Variants in TMEM275 observed in about 807,000 individuals in gnomAD.
TMEM275 encodes the protein transmembrane protein 275.
In TMEM275 at chr1:46,533,801, T is replaced by C. The variant is rs924961899; in HGVS notation, c.-123-151A>G. Among the ~76,000 whole-genome samples the C allele has an allele frequency of 1.3e-5, 2 of 152,174 alleles. No individual in the cohort carries two copies. Among genetic ancestry groups the C allele is most frequent in the African/African-American group, 4.8e-5 (2 of 41,450 alleles). The stretch of plus-strand genomic sequence containing the variant: ...CTCTGGGAAGCAACAAACCATCCCA[T>C]ATGTGAAGAATCGACTTGTTTCCCC... On this transcript the variant is annotated intron_variant, in intron 1 of 1. Transcript: ENST00000634804. This position sits in a 1 kb window ranked among gnomAD's most constrained non-coding sequence, Gnocchi z 4.4.
rs995748505 is a variant in TMEM275 at position 46,533,494 on chromosome 1, C to T, written c.34G>A (p.Val12Ile). 2.6e-6 allele frequency: 1 copy of T among 389,166 alleles called. No individual in the cohort carries two copies. Among genetic ancestry groups the T allele is most frequent in the South Asian group, 1.3e-4 (1 of 7,790 alleles). The allele number at this position is 389,166 out of a possible 1,614,324, so 24.1% of individuals were successfully genotyped here. The change falls in exon 2 of 2, where the codon GTC becomes ATC. Residue 12 changes from valine (V) to isoleucine (I), a missense_variant. Coordinates refer to ENST00000634804, the Ensembl canonical transcript of TMEM275. The surrounding 1 kb of genome is among the most constrained non-coding windows in gnomAD (Gnocchi z 4.4). Reference sequence around the variant, plus strand: ...CGGGCGCGTTCCGCGGGCGCCGGGACCGGTGGCCCCTCGCTCTTTTCTGCC... The same window carrying T: ...CGGGCGCGTTCCGCGGGCGCCGGGATCGGTGGCCCCTCGCTCTTTTCTGCC...
Position 46,533,038 on chromosome 1 carries a change from C to A in TMEM275, c.490G>T (p.Glu164Ter), listed in dbSNP as rs1329439711. 2 of 396,316 alleles carry A rather than the reference C, an allele frequency of 5.0e-6. No individual in the cohort carries two copies. The highest frequency in any genetic ancestry group is 8.9e-6 in the Non-Finnish European group (2 of 224,550). The allele number at this position is 396,316 out of a possible 1,614,324, so 24.5% of individuals were successfully genotyped here. A position where few individuals can be genotyped will look rare whatever the true frequency, so the allele number is the denominator to read the frequency against. Residue 164 changes from glutamate (E) to a stop codon, truncating the protein, a stop_gained, in exon 2 of 2, where the codon GAA becomes TAA. Coordinates refer to ENST00000634804, the Ensembl canonical transcript of TMEM275. LOFTEE classifies it high-confidence loss of function. The surrounding 1 kb of genome is among the most constrained non-coding windows in gnomAD (Gnocchi z 4.4). ...CGGGGTGGGTTGAGCTGGACTCCTT[C>A]CGAGCGCAGCGCGCAGACGGCCGCG...
In TMEM275 at chr1:46,533,959, T is replaced by C. The variant is rs527252264; in HGVS notation, c.-123-309A>G. 2.6e-5 allele frequency among the ~76,000 whole-genome samples: 4 copies of C among 152,152 alleles called. No individual in the cohort carries two copies. Among genetic ancestry groups the C allele is most frequent in the African/African-American group, 4.8e-5 (2 of 41,438 alleles). The stretch of plus-strand genomic sequence containing the variant: ...CCTACCTGAACTCATTTGAGTGAGA[T>C]AGTGGCTGGAAAGTGCTCAGCACAG... On this transcript the variant is annotated intron_variant, in intron 1 of 1. Transcript: ENST00000634804. This position sits in a 1 kb window ranked among gnomAD's most constrained non-coding sequence, Gnocchi z 4.4.
chr1:46,533,634 G>C lies in TMEM275; in HGVS notation c.-107C>G. The C allele has an allele frequency of 2.7e-6, 1 of 367,078 alleles. No individual in the cohort carries two copies. Among genetic ancestry groups the C allele is most frequent in the Non-Finnish European group, 4.9e-6 (1 of 205,934 alleles). 22.7% of individuals were successfully genotyped at this position (367,078 alleles called of 1,614,324 possible). A position where few individuals can be genotyped will look rare whatever the true frequency, so the allele number is the denominator to read the frequency against. On this transcript the variant is annotated 5_prime_UTR_variant, in exon 2 of 2. Transcript: ENST00000634804. The surrounding 1 kb of genome is among the most constrained non-coding windows in gnomAD (Gnocchi z 4.4). ...CTGGTCCTGTGGGCAACTGCCAGGA[G>C]CCTCCTCACGCTGGTCCTGTGGGCA...
At chr1:46,532,646 A>T (rs61011128) in exon 2 of TMEM275, 9,442 of 183,648 alleles carry the variant, frequency 0.051, 748 homozygotes, top group African/African-American at 0.18. Flanking sequence ...CCCAAATGCC[A>T]GGGGGAGGTG....
At position 46,533,740 on chromosome 1, in the gene TMEM275, G is replaced by A. The variant is rs1343825349; in HGVS notation, c.-123-90C>T. 5.5e-6 allele frequency: 2 copies of A among 361,170 alleles called. No homozygotes were observed. Among genetic ancestry groups the A allele is most frequent in the Non-Finnish European group, 9.9e-6 (2 of 202,436 alleles). The allele number at this position is 361,170 out of a possible 1,614,324, so 22.4% of individuals were successfully genotyped here. ...CTGTAGCTACACTGAGTGCCTGGGT[G>A]GGCAGAGGTCATCTTGGCCAGCCCC... On this transcript the variant is annotated intron_variant, in intron 1 of 1. Coordinates refer to ENST00000634804, the Ensembl canonical transcript of TMEM275. This position sits in a 1 kb window ranked among gnomAD's most constrained non-coding sequence, Gnocchi z 4.4.
Position 46,533,535 on chromosome 1 carries a change from C to CGCACGCCAG in TMEM275, c.-17_-9dup, listed in dbSNP as rs1666700133. Reference sequence around the variant, plus strand: ...CTTTTCTGCCGGCGGCATCGGCCTGCGCACGCCAGGCACGCATCAAGCTCC... The same window carrying CGCACGCCAG: ...CTTTTCTGCCGGCGGCATCGGCCTGCGCACGCCAGGCACGCCAGGCACGCATCAAGCTCC... On this transcript the variant is annotated 5_prime_UTR_variant, in exon 2 of 2. Transcript: ENST00000634804. This position sits in a 1 kb window ranked among gnomAD's most constrained non-coding sequence, Gnocchi z 4.4. 1 of 388,326 alleles carries CGCACGCCAG rather than the reference C, an allele frequency of 2.6e-6. No homozygotes were observed. Among genetic ancestry groups the CGCACGCCAG allele is most frequent in the South Asian group, 1.3e-4 (1 of 7,726 alleles). The allele number at this position is 388,326 out of a possible 1,614,324, so 24.1% of individuals were successfully genotyped here.
exon 2 of TMEM275, chr1:46,532,892 GTTTTCTT>G (rs1457208993): frequency 2.6e-6 from 1 of 387,864 alleles, no homozygotes; most frequent in Non-Finnish European, 4.6e-6. Context: ...GGAAGAAAAG[GTTTTCTT>G]TTTTCTTTTT....
chr1:46,535,115 C>G (rs1205537199), intron 1 of TMEM275, among the ~76,000 whole-genome samples: 1 of 152,166 alleles, frequency 6.6e-6, no homozygotes, highest in African/African-American at 2.4e-5. Context: ...AGGTACCTTT[C>G]TGAGTGTCCA....
In TMEM275 at chr1:46,533,367, G is replaced by A. The variant is rs1666695540; in HGVS notation, c.161C>T (p.Ser54Phe). The change falls in exon 2 of 2, where the codon TCC (serine) becomes TTC (phenylalanine). Residue 54 changes from serine (S) to phenylalanine (F), a missense_variant. Ser to Phe is a radical substitution (Grantham distance 155). Transcript: ENST00000634804. The surrounding 1 kb of genome is among the most constrained non-coding windows in gnomAD (Gnocchi z 4.4). Reference sequence around the variant, plus strand: ...CAGCGCGTTGTGCTCGGGCAAGAAGGAGGCGAAGGCGCCTGCCAGCGTCAC... The same window carrying A: ...CAGCGCGTTGTGCTCGGGCAAGAAGAAGGCGAAGGCGCCTGCCAGCGTCAC... 1 of 377,960 alleles carries A rather than the reference G, an allele frequency of 2.6e-6. No homozygotes were observed. The highest frequency in any genetic ancestry group is 1.3e-4 in the South Asian group (1 of 7,722). 23.4% of individuals were successfully genotyped at this position (377,960 alleles called of 1,614,324 possible).
exon 2 of TMEM275, chr1:46,532,986 C>T: frequency 2.5e-6 from 1 of 396,306 alleles, no homozygotes; most frequent in Non-Finnish European, 4.5e-6. Flanking sequence ...CGGCGGGGCC[C>T]TGGTCCGCTA....
exon 2 of TMEM275, chr1:46,532,372 C>T (rs1416122182): frequency 6.6e-6 from 1 of 152,264 alleles, no homozygotes; most frequent in East Asian, 1.9e-4. Context: ...GGGGAGTGCT[C>T]ACCCCGGCCC....
chr1:46,533,429 G>A lies in TMEM275; in HGVS notation c.99C>T (p.Cys33=). 1 of 380,806 alleles carries A rather than the reference G, an allele frequency of 2.6e-6. No individual in the cohort carries two copies. Among genetic ancestry groups the A allele is most frequent in the Non-Finnish European group, 4.7e-6 (1 of 214,484 alleles). The allele number at this position is 380,806 out of a possible 1,614,324, so 23.6% of individuals were successfully genotyped here. The stretch of plus-strand genomic sequence containing the variant: ...CCAGCAGCGCGCACAGACCGCAGGC[G>A]CAGCACAGCGCCGGCGACGGCAGGC... The change falls in exon 2 of 2, where the codon TGC becomes TGT. Residue 33 remains cysteine, a synonymous_variant. Coordinates refer to ENST00000634804, the Ensembl canonical transcript of TMEM275. This position sits in a 1 kb window ranked among gnomAD's most constrained non-coding sequence, Gnocchi z 4.4.
chr1:46,535,111 C>G (rs943441909), intron 1 of TMEM275, among the ~76,000 whole-genome samples: 2 of 152,138 alleles, frequency 1.3e-5, no homozygotes, highest in Non-Finnish European at 2.9e-5. Flanking sequence ...GTGGAGGTAC[C>G]TTTCTGAGTG....
Position 46,533,603 on chromosome 1 carries a change from C to T in TMEM275, c.-76G>A, listed in dbSNP as rs1418135089. 8.0e-6 allele frequency: 3 copies of T among 374,728 alleles called. No individual in the cohort carries two copies. The highest frequency in any genetic ancestry group is 9.1e-5 in the Admixed American group (2 of 21,890). 23.2% of individuals were successfully genotyped at this position (374,728 alleles called of 1,614,324 possible). On this transcript the variant is annotated 5_prime_UTR_variant, in exon 2 of 2. Transcript: ENST00000634804. The surrounding 1 kb of genome is among the most constrained non-coding windows in gnomAD (Gnocchi z 4.4). ...GAACAGCCCAACTGCCAGGAGCCTCCTCACGCTGGTCCTGTGGGCAACTGC... is the reference window on the plus strand; with the variant it reads ...GAACAGCCCAACTGCCAGGAGCCTCTTCACGCTGGTCCTGTGGGCAACTGC...
Position 46,533,147 on chromosome 1 carries a change from C to G in TMEM275, c.381G>C (p.Val127=), listed in dbSNP as rs1386343101. 2.6e-6 allele frequency: 1 copy of G among 387,888 alleles called. No individual in the cohort carries two copies. The highest frequency in any genetic ancestry group is 2.1e-5 in the African/African-American group (1 of 48,026). 24.0% of individuals were successfully genotyped at this position (387,888 alleles called of 1,614,324 possible). ...CGGCGGAGACGGCAGGGCTGAGCTGCACGGCCGTGGTGTCCTGTGCCGTGG... is the reference window on the plus strand; with the variant it reads ...CGGCGGAGACGGCAGGGCTGAGCTGGACGGCCGTGGTGTCCTGTGCCGTGG... Residue 127 remains valine (V), a synonymous_variant, in exon 2 of 2, where the codon GTG becomes GTC. Coordinates refer to ENST00000634804, the Ensembl canonical transcript of TMEM275. The surrounding 1 kb of genome is among the most constrained non-coding windows in gnomAD (Gnocchi z 4.4).
At chr1:46,532,889 A>G (rs763837278) in exon 2 of TMEM275, 9 of 387,158 alleles carry the variant, frequency 2.3e-5, no homozygotes, top group Admixed American at 2.2e-4. Context: ...GAAGGAAGAA[A>G]AGGTTTTCTT....
rs1164304030 is a variant in TMEM275, at chr1:46,533,306, GAGCGCCAGCACCAGC to G, written c.207_221del (p.Leu70_Leu74del). The G allele has an allele frequency of 6.4e-4, 233 of 366,642 alleles. 1 individual carries two copies. Among genetic ancestry groups the G allele is most frequent in the African/African-American group, 4.3e-3 (201 of 47,252 alleles). The allele number at this position is 366,642 out of a possible 1,614,324, so 22.7% of individuals were successfully genotyped here. ...ACACGCAGCAGGCCGCGAAGAAGCC[GAGCGCCAGCACCAGC>G]AGCGCCAGCCCCACGACGAGCAGCG... On this transcript the variant is annotated inframe_deletion, in exon 2 of 2. Coordinates refer to ENST00000634804, the Ensembl canonical transcript of TMEM275. The surrounding 1 kb of genome is among the most constrained non-coding windows in gnomAD (Gnocchi z 4.4).
rs952262538 is a variant in TMEM275, at chr1:46,533,676, C to T, written c.-123-26G>A. 1 of 368,532 alleles carries T rather than the reference C, an allele frequency of 2.7e-6. No individual in the cohort carries two copies. The allele number at this position is 368,532 out of a possible 1,614,324, so 22.8% of individuals were successfully genotyped here. A position where few individuals can be genotyped will look rare whatever the true frequency, so the allele number is the denominator to read the frequency against. Reference sequence around the variant, plus strand: ...CTGTGGGCACACAGCAAGAGGGCGGCGTCAGCAGGGTATCTTGACCTCCAG... The same window carrying T: ...CTGTGGGCACACAGCAAGAGGGCGGTGTCAGCAGGGTATCTTGACCTCCAG... On this transcript the variant is annotated intron_variant, in intron 1 of 1. Transcript: ENST00000634804. The surrounding 1 kb of genome is among the most constrained non-coding windows in gnomAD (Gnocchi z 4.4).
Sources: gnomAD v4.1 joint callset for allele counts (sites outside exome capture counted in the v4.1 genomes callset) on GRCh38, gnomAD v4.1.1 for gene constraint, Gnocchi (gnomAD v3.1) non-coding constraint, MANE v1.5 for transcripts, NCBI Gene and HGNC (gene_info 2026-07-23, HGNC 2026-07-21) for gene names.